The following THSD7B variants were observed in gnomAD, a reference collection of about 807,000 sequenced individuals.
THSD7B encodes thrombospondin type-1 domain-containing protein 7B.
In THSD7B, 138 loss-of-function variants were observed where a neutral mutation model predicts 213.6. That is an observed-to-expected ratio of 0.65 (90% CI 0.56 to 0.74). The LOEUF is 0.74. THSD7B is among the 30% of genes least tolerant of loss of function. The pLI, the probability that THSD7B is intolerant of heterozygous loss-of-function variation, is 0.00. For synonymous variants in THSD7B, 742 were observed against 687.0 expected, an observed-to-expected ratio of 1.08 and a Z score of -1.25; for missense variants, 1,931 against 1,991.5, an observed-to-expected ratio of 0.97 and a Z score of 0.58.
chr2:136,966,578 C>T (rs1163063955), intron 2 of THSD7B, among the ~76,000 whole-genome samples: 1 of 152,166 alleles, frequency 6.6e-6, no homozygotes, highest in Non-Finnish European at 1.5e-5. Flanking sequence ...TGAGCAGTCA[C>T]ATTTTAGAGC....
intron 14 of THSD7B, among the ~76,000 whole-genome samples, chr2:137,439,341 C>T (rs1687353149): frequency 6.6e-6 from 1 of 151,788 alleles, no homozygotes; most frequent in South Asian, 2.1e-4. Context: ...TTAGGATTAC[C>T]CACAGTCTCT....
At chr2:137,075,582 A>T (rs1687603740) in intron 3 of THSD7B, among the ~76,000 whole-genome samples, 1 of 152,116 alleles carries the variant, frequency 6.6e-6, no homozygotes. Context: ...TTCTTCTCTC[A>T]ACTCGTTAAA....
At position 136,780,883 on chromosome 2, in the gene THSD7B, C is replaced by T. The variant is rs139663026; in HGVS notation, c.-36+15196C>T. Reference sequence around the variant, plus strand: ...TACAGAGAGGTGTAAAACAGGCCCACACTTCCACCCATAATTAAAGAGTAA... The same window carrying T: ...TACAGAGAGGTGTAAAACAGGCCCATACTTCCACCCATAATTAAAGAGTAA... On this transcript the variant is annotated intron_variant, in intron 1 of 27. Coordinates refer to ENST00000409968, the MANE Select transcript of THSD7B (RefSeq NM_001316349.2). Among the ~76,000 whole-genome samples the T allele has an allele frequency of 7.3e-3, 1,113 of 152,298 alleles. 11 individuals carry two copies. Among genetic ancestry groups the T allele is most frequent in the Middle Eastern group, 0.024 (7 of 294 alleles).
intron 2 of THSD7B, among the ~76,000 whole-genome samples, chr2:136,895,812 C>T (rs1463372839): frequency 2.0e-5 from 3 of 152,106 alleles, no homozygotes; most frequent in African/African-American, 4.8e-5. Flanking sequence ...ATCTACTTTC[C>T]GTCTCAATAA....
chr2:136,871,869 A>T (rs1214518602), intron 1 of THSD7B, among the ~76,000 whole-genome samples: 2 of 152,238 alleles, frequency 1.3e-5, no homozygotes, highest in Non-Finnish European at 2.9e-5. Flanking sequence ...AATTGCCATC[A>T]TAAATGAAGC....
chr2:137,205,188 G>A (rs888388555), intron 7 of THSD7B, among the ~76,000 whole-genome samples: 11 of 152,046 alleles, frequency 7.2e-5, no homozygotes, highest in South Asian at 2.1e-4. Flanking sequence ...TAGAGTGCCA[G>A]TGAAGGTGAA....
chr2:137,560,840 A>G (rs1288716051), intron 15 of THSD7B, among the ~76,000 whole-genome samples: 1 of 151,994 alleles, frequency 6.6e-6, no homozygotes, highest in Non-Finnish European at 1.5e-5. Context: ...AGCCCCAAAC[A>G]TGTGTACTCT....
At chr2:137,313,855 A>G (rs1366589891) in intron 12 of THSD7B, among the ~76,000 whole-genome samples, 1 of 152,164 alleles carries the variant, frequency 6.6e-6, no homozygotes, top group African/African-American at 2.4e-5. Flanking sequence ...TCTGTCTTGT[A>G]GAGTTTCTGC....
At chr2:136,972,945 C>A (rs1685427220) in intron 2 of THSD7B, among the ~76,000 whole-genome samples, 1 of 152,140 alleles carries the variant, frequency 6.6e-6, no homozygotes, top group African/African-American at 2.4e-5. Context: ...AAATTCTTCT[C>A]TCTTCTCCTC....
At chr2:137,272,910 C>T (rs1007088595) in intron 11 of THSD7B, among the ~76,000 whole-genome samples, 1 of 151,798 alleles carries the variant, frequency 6.6e-6, no homozygotes, top group African/African-American at 2.4e-5. Context: ...TGACTTATGC[C>T]ACCATGGCAG....
chr2:136,849,446 A>T (rs1258920307), intron 1 of THSD7B, among the ~76,000 whole-genome samples: 2 of 152,174 alleles, frequency 1.3e-5, no homozygotes, highest in East Asian at 3.8e-4. Context: ...CTAAGCTTTG[A>T]GATGGCCTGA....
chr2:137,185,096 C>T (rs889581989), intron 7 of THSD7B, among the ~76,000 whole-genome samples: 1 of 151,878 alleles, frequency 6.6e-6, no homozygotes, highest in Non-Finnish European at 1.5e-5. Context: ...TGGGTGGCCC[C>T]AAAAAGGAGC....
At chr2:136,830,951 T>C (rs1439000974) in intron 1 of THSD7B, among the ~76,000 whole-genome samples, 1 of 152,196 alleles carries the variant, frequency 6.6e-6, no homozygotes, top group Non-Finnish European at 1.5e-5. Flanking sequence ...GAAGCAGTCA[T>C]ACTGCTTAGC....
chr2:137,574,662 T>C (rs936717831), intron 17 of THSD7B, among the ~76,000 whole-genome samples: 6 of 152,144 alleles, frequency 3.9e-5, no homozygotes, highest in African/African-American at 1.4e-4. Context: ...CCCATGTAAA[T>C]GTAAACTTCA....
chr2:137,284,839 A>G (rs1279626011), intron 12 of THSD7B, among the ~76,000 whole-genome samples: 2 of 152,042 alleles, frequency 1.3e-5, no homozygotes, highest in African/African-American at 4.8e-5. Context: ...CAATTTTGGA[A>G]TAGGTGTGGT....
intron 15 of THSD7B, among the ~76,000 whole-genome samples, chr2:137,482,916 C>T (rs979685363): frequency 3.3e-5 from 5 of 152,138 alleles, no homozygotes; most frequent in African/African-American, 1.2e-4. Flanking sequence ...ATGAATTGCT[C>T]TTCAACCCCT....
At chr2:137,000,663 G>A (rs563378604) in intron 2 of THSD7B, among the ~76,000 whole-genome samples, 9 of 152,110 alleles carry the variant, frequency 5.9e-5, no homozygotes, top group East Asian at 1.9e-4. Flanking sequence ...TTGGGAATCC[G>A]ATTGCATTAA....
intron 1 of THSD7B, among the ~76,000 whole-genome samples, chr2:136,803,670 A>G (rs1244003231): frequency 6.6e-6 from 1 of 152,176 alleles, no homozygotes; most frequent in Non-Finnish European, 1.5e-5. Flanking sequence ...TATTATAGGA[A>G]TTGGCTCACA....
intron 1 of THSD7B, among the ~76,000 whole-genome samples, chr2:136,801,773 T>A (rs1682185856): frequency 6.6e-6 from 1 of 152,106 alleles, no homozygotes; most frequent in African/African-American, 2.4e-5. Flanking sequence ...AGGGTGTAAT[T>A]GTGCAGCTGT....
Sources: gnomAD v4.1 joint callset for allele counts (sites outside exome capture counted in the v4.1 genomes callset) on GRCh38, gnomAD v4.1.1 for gene constraint, MANE v1.5 for transcripts, NCBI Gene and HGNC (gene_info 2026-07-23, HGNC 2026-07-21) for gene names.